The following CHN2 variants were observed in gnomAD, a reference collection of about 807,000 sequenced individuals.
The protein encoded by CHN2 is beta-chimaerin.
Under a neutral mutation model 56.3 loss-of-function variants are expected in CHN2, and 35 were observed. That is an observed-to-expected ratio of 0.62 (90% CI 0.47 to 0.82). The LOEUF (loss-of-function observed/expected upper bound fraction) is 0.82. Ranked by LOEUF, CHN2 falls within the 40% of genes least tolerant of loss-of-function variation. CHN2 has a pLI of 0.00. For missense variants in CHN2, 491 were observed against 580.5 expected (o/e 0.85, Z 1.58); for synonymous variants, 210 against 212.8 (o/e 0.99, Z 0.12).
intron 1 of CHN2, among the ~76,000 whole-genome samples, chr7:29,328,613 A>G (rs1795985126): frequency 6.6e-6 from 1 of 151,986 alleles, no homozygotes; most frequent in Admixed American, 6.6e-5. Context: ...CAGGAAAAAA[A>G]CCTTCACTCT....
At chr7:29,166,510 G>C (rs909225325) in intron 2 of CHN2, among the ~76,000 whole-genome samples, 3 of 152,048 alleles carry the variant, frequency 2.0e-5, no homozygotes, top group African/African-American at 7.2e-5. Context: ...AACTATAATA[G>C]CTTTATAGTT....
chr7:29,178,124 T>G (rs541901741), intron 2 of CHN2, among the ~76,000 whole-genome samples: 1 of 152,178 alleles, frequency 6.6e-6, no homozygotes, highest in South Asian at 2.1e-4. Context: ...TCTCCACTGC[T>G]ACTATCCTCT....
intron 6 of CHN2, among the ~76,000 whole-genome samples, chr7:29,450,876 A>G (rs568421426): frequency 3.3e-5 from 5 of 151,976 alleles, no homozygotes; most frequent in Non-Finnish European, 5.9e-5. Context: ...GGTTCAAGCA[A>G]TTCTCTGCCT....
chr7:29,347,707 A>G (rs1167818696), intron 1 of CHN2, among the ~76,000 whole-genome samples: 5 of 152,356 alleles, frequency 3.3e-5, no homozygotes, highest in South Asian at 2.1e-4. Flanking sequence ...AAGCCATATC[A>G]TAGCCCAAAG....
chr7:29,351,526 G>A (rs1288844620), intron 1 of CHN2, among the ~76,000 whole-genome samples: 2 of 152,152 alleles, frequency 1.3e-5, no homozygotes, highest in South Asian at 2.1e-4. Flanking sequence ...GAGAGTGACT[G>A]GCATAGGGGG....
At chr7:29,263,694 G>A (rs991821294) in intron 1 of CHN2, among the ~76,000 whole-genome samples, 2 of 151,642 alleles carry the variant, frequency 1.3e-5, no homozygotes, top group Non-Finnish European at 2.9e-5. Context: ...CGTCTAGGAA[G>A]TGAGGAGTGT....
intron 3 of CHN2, among the ~76,000 whole-genome samples, chr7:29,386,260 T>G (rs1216932104): frequency 6.6e-6 from 1 of 152,190 alleles, no homozygotes; most frequent in Non-Finnish European, 1.5e-5. Flanking sequence ...ATCTTTGATT[T>G]CTAATTAAAA....
At chr7:29,230,529 C>T (rs766952790) in intron 1 of CHN2, among the ~76,000 whole-genome samples, 26 of 152,208 alleles carry the variant, frequency 1.7e-4, no homozygotes, top group Non-Finnish European at 2.1e-4. Context: ...TTAGTAGAGA[C>T]GGAGTTTCAC....
In CHN2 at chr7:29,203,288, G is replaced by A. The variant is rs578067893; in HGVS notation, c.49+8298G>A. On this transcript the variant is annotated intron_variant, in intron 1 of 12. Transcript: ENST00000222792. Reference sequence around the variant, plus strand: ...TTGAGATCAGCCTGACCATCATGGTGAAACCTGGTCTCTACTAAAAATACA... The same window carrying A: ...TTGAGATCAGCCTGACCATCATGGTAAAACCTGGTCTCTACTAAAAATACA... Among the ~76,000 whole-genome samples, 5 of 152,098 alleles carry A rather than the reference G, an allele frequency of 3.3e-5. No individual in the cohort carries two copies. In the South Asian group the frequency reaches 1.0e-3, roughly 32 times the overall value.
At chr7:29,209,723 T>C (rs913914512) in intron 1 of CHN2, among the ~76,000 whole-genome samples, 1 of 152,232 alleles carries the variant, frequency 6.6e-6, no homozygotes, top group Non-Finnish European at 1.5e-5. Context: ...AGGGAATTTT[T>C]AAGGCTTTCA....
At chr7:29,501,190 T>A (rs1408599164) in intron 9 of CHN2, among the ~76,000 whole-genome samples, 1 of 152,224 alleles carries the variant, frequency 6.6e-6, no homozygotes, top group Non-Finnish European at 1.5e-5. Context: ...AGGAAATTAT[T>A]CCCTTTTCTA....
intron 1 of CHN2, among the ~76,000 whole-genome samples, chr7:29,246,501 G>A (rs899824288): frequency 2.6e-5 from 4 of 152,300 alleles, no homozygotes; most frequent in South Asian, 2.1e-4. Flanking sequence ...GTTAGTAAGT[G>A]ATGGGTTTGA....
chr7:29,332,211 G>C (rs1384320626), intron 1 of CHN2, among the ~76,000 whole-genome samples: 4 of 152,140 alleles, frequency 2.6e-5, no homozygotes, highest in Non-Finnish European at 4.4e-5. Context: ...CCCCTTACCA[G>C]CTGGGCTTTC....
At chr7:29,254,920 A>G (rs1009089771) in intron 1 of CHN2, among the ~76,000 whole-genome samples, 1 of 152,158 alleles carries the variant, frequency 6.6e-6, no homozygotes, top group Non-Finnish European at 1.5e-5. Flanking sequence ...GTGCTCAACT[A>G]GCAACACCCT....
chr7:29,464,813 C>T (rs1785429896), intron 6 of CHN2, among the ~76,000 whole-genome samples: 1 of 152,214 alleles, frequency 6.6e-6, no homozygotes, highest in Non-Finnish European at 1.5e-5. Context: ...CACCCAGTTA[C>T]ATGTGCAAGG....
intron 1 of CHN2, among the ~76,000 whole-genome samples, chr7:29,302,032 G>A (rs1488619227): frequency 6.6e-6 from 1 of 152,172 alleles, no homozygotes; most frequent in East Asian, 1.9e-4. Context: ...AAAGCCAGAG[G>A]AGCCCTAAGG....
intron 1 of CHN2, among the ~76,000 whole-genome samples, chr7:29,324,022 CAAAAAAAAGA>C (rs1302438066): frequency 6.9e-6 from 1 of 144,270 alleles, no homozygotes; most frequent in African/African-American, 2.6e-5. Flanking sequence ...AAAACAAAAC[CAAAAAAAAGA>C]AAAAAAAAGT....
chr7:29,342,088 G>C (rs1421477714), intron 1 of CHN2, among the ~76,000 whole-genome samples: 1 of 152,144 alleles, frequency 6.6e-6, no homozygotes, highest in Admixed American at 6.5e-5. Context: ...TGGACTGAAG[G>C]CACCTTGAAA....
At chr7:29,446,367 G>T (rs907252113) in intron 6 of CHN2, among the ~76,000 whole-genome samples, 4 of 152,154 alleles carry the variant, frequency 2.6e-5, no homozygotes, top group African/African-American at 9.7e-5. Flanking sequence ...ACCTAAGATT[G>T]CCCTGCCTTA....
Sources: gnomAD v4.1 joint callset for allele counts (sites outside exome capture counted in the v4.1 genomes callset) on GRCh38, gnomAD v4.1.1 for gene constraint, MANE v1.5 for transcripts, NCBI Gene and HGNC (gene_info 2026-07-23, HGNC 2026-07-21) for gene names.